GABRB1: variants seen among roughly 807,000 people sequenced by gnomAD.
GABRB1 encodes the protein gamma-aminobutyric acid receptor subunit beta-1.
Under a neutral mutation model 51.6 loss-of-function variants are expected in GABRB1, and 17 were observed. The ratio of observed to expected loss-of-function variants is 0.33; its 90% CI spans 0.23 to 0.49. The LOEUF (loss-of-function observed/expected upper bound fraction) is 0.49. Ranked by LOEUF, GABRB1 falls within the 20% of genes least tolerant of loss-of-function variation. The pLI, the probability that GABRB1 is intolerant of heterozygous loss-of-function variation, is 0.99. For synonymous variants in GABRB1, 247 were observed against 218.9 expected (o/e 1.13, Z -1.14); for missense variants, 410 against 600.6 (o/e 0.68, Z 3.32).
intron 1 of GABRB1, among the ~76,000 whole-genome samples, chr4:46,996,858 C>CT (rs745603556): frequency 8.5e-5 from 13 of 152,094 alleles, no homozygotes; most frequent in Non-Finnish European, 1.6e-4. Flanking sequence ...ACCTGTTCCT[C>CT]TTTTCTTTCA....
intron 1 of GABRB1, among the ~76,000 whole-genome samples, chr4:47,019,888 A>ATAATATATG (rs1724874833): frequency 1.4e-5 from 2 of 139,684 alleles, no homozygotes; most frequent in Non-Finnish European, 3.0e-5. Context: ...TATATATATA[A>ATAATATATG]TATATGTATA....
intron 3 of GABRB1, among the ~76,000 whole-genome samples, chr4:47,152,662 G>A (rs1717513123): frequency 1.3e-5 from 2 of 151,698 alleles, no homozygotes; most frequent in African/African-American, 2.4e-5. Context: ...ATGTGCATGC[G>A]CCACTGACAC....
intron 5 of GABRB1, among the ~76,000 whole-genome samples, chr4:47,384,239 CAT>C (rs1727698930): frequency 1.3e-5 from 2 of 151,996 alleles, no homozygotes; most frequent in African/African-American, 4.8e-5. Context: ...TACACACACA[CAT>C]ACATTTTTAT....
At chr4:47,346,326 A>T (rs1726087246) in intron 5 of GABRB1, among the ~76,000 whole-genome samples, 1 of 152,214 alleles carries the variant, frequency 6.6e-6, no homozygotes. Flanking sequence ...TTGACTGTGT[A>T]TTGAAAAAGT....
rs1171002455 is a variant in GABRB1 at position 47,032,779 on chromosome 4, T to C, written c.240+295T>C. The C allele has an allele frequency of 3.1e-5, 19 of 610,474 alleles. No individual in the cohort carries two copies. In the East Asian group the frequency reaches 6.6e-4, roughly 21 times the overall value. The allele number at this position is 610,474 out of a possible 1,614,324, so 37.8% of individuals were successfully genotyped here. ...GAGTCTGAGCGTTACTTTAGCTGGG[T>C]TTCCCTGCGTGTTTGGATGAGGAGG... On this transcript the variant is annotated intron_variant, in intron 3 of 8. Transcript: ENST00000295454.
At chr4:47,033,346 C>T (rs1180246571) in intron 3 of GABRB1, among the ~76,000 whole-genome samples, 1 of 152,174 alleles carries the variant, frequency 6.6e-6, no homozygotes, top group African/African-American at 2.4e-5. Flanking sequence ...CTGCCACTTT[C>T]TCTGTTGGCT....
At chr4:47,405,055 CAA>C (rs1340092511) in intron 7 of GABRB1, among the ~76,000 whole-genome samples, 9 of 152,196 alleles carry the variant, frequency 5.9e-5, no homozygotes, top group Admixed American at 2.0e-4. Flanking sequence ...AAATGTAAAA[CAA>C]AGAGTAGAAG....
chr4:47,375,651 A>G (rs1442059389), intron 5 of GABRB1, among the ~76,000 whole-genome samples: 1 of 152,206 alleles, frequency 6.6e-6, no homozygotes, highest in Admixed American at 6.5e-5. Context: ...AGTCATTACA[A>G]GGGAAAAGAG....
chr4:47,352,716 C>G (rs1726400229), intron 5 of GABRB1, among the ~76,000 whole-genome samples: 1 of 152,070 alleles, frequency 6.6e-6, no homozygotes, highest in Admixed American at 6.5e-5. Context: ...TCTAATTTAC[C>G]TATTGCCTGA....
intron 5 of GABRB1, among the ~76,000 whole-genome samples, chr4:47,376,615 C>G (rs1458997234): frequency 2.0e-5 from 3 of 152,182 alleles, no homozygotes; most frequent in African/African-American, 4.8e-5. Context: ...CCACTGCACT[C>G]CAGCCTGGGC....
intron 4 of GABRB1, among the ~76,000 whole-genome samples, chr4:47,279,421 A>G (rs1723197222): frequency 6.6e-6 from 1 of 152,144 alleles, no homozygotes; most frequent in Non-Finnish European, 1.5e-5. Context: ...TGCTTCATGA[A>G]AATTTTGCTT....
chr4:47,123,104 T>G (rs550210586), intron 3 of GABRB1, among the ~76,000 whole-genome samples: 1 of 152,058 alleles, frequency 6.6e-6, no homozygotes, highest in African/African-American at 2.4e-5. Context: ...TCCAGTGCTC[T>G]GCCTTTTTGA....
intron 4 of GABRB1, among the ~76,000 whole-genome samples, chr4:47,224,575 G>A (rs571063549): frequency 3.3e-5 from 5 of 152,184 alleles, no homozygotes; most frequent in African/African-American, 1.2e-4. Context: ...ATACATCAAA[G>A]GTAAGGATGA....
At chr4:47,065,246 A>G (rs113712628) in intron 3 of GABRB1, among the ~76,000 whole-genome samples, 7 of 152,252 alleles carry the variant, frequency 4.6e-5, no homozygotes, top group African/African-American at 1.7e-4. Flanking sequence ...CCTCAAACCA[A>G]TAACAACCCT....
chr4:47,311,284 T>G (rs1289702106), intron 4 of GABRB1, among the ~76,000 whole-genome samples: 2 of 143,706 alleles, frequency 1.4e-5, no homozygotes, highest in Admixed American at 6.9e-5. Context: ...TGGTGTTTCA[T>G]GCTTGTAATC....
intron 3 of GABRB1, among the ~76,000 whole-genome samples, chr4:47,116,863 A>C (rs1715506111): frequency 6.6e-6 from 1 of 152,144 alleles, no homozygotes; most frequent in Non-Finnish European, 1.5e-5. Context: ...CAATCATGGC[A>C]GAAGGGCAAG....
intron 4 of GABRB1, among the ~76,000 whole-genome samples, chr4:47,310,100 G>C (rs1207104256): frequency 6.6e-6 from 1 of 152,104 alleles, no homozygotes; most frequent in Non-Finnish European, 1.5e-5. Context: ...ACCCAAATAA[G>C]TATAGAACTA....
chr4:47,160,903 C>T (rs1325818990), intron 3 of GABRB1, among the ~76,000 whole-genome samples: 1 of 152,002 alleles, frequency 6.6e-6, no homozygotes, highest in Non-Finnish European at 1.5e-5. Context: ...CCTGCTACAT[C>T]AGCCTCCCAA....
rs112661932 is a variant in GABRB1 at position 47,294,494 on chromosome 4, C to T, written c.462-25633C>T. On this transcript the variant is annotated intron_variant, in intron 4 of 8. Coordinates refer to ENST00000295454, the MANE Select transcript of GABRB1 (RefSeq NM_000812.4). ...TCGGAGGGTCCTACGCCCACAGTCT[C>T]GCTCATTGCTAGCACAGCAGTCTGA... Among the ~76,000 whole-genome samples the T allele has an allele frequency of 9.3e-3, 1,415 of 152,334 alleles. 28 individuals carry two copies. Among genetic ancestry groups the T allele is most frequent in the African/African-American group, 0.032 (1,341 of 41,568 alleles).
Sources: gnomAD v4.1 joint callset for allele counts (sites outside exome capture counted in the v4.1 genomes callset) on GRCh38, gnomAD v4.1.1 for gene constraint, MANE v1.5 for transcripts, NCBI Gene and HGNC (gene_info 2026-07-23, HGNC 2026-07-21) for gene names.